COL23A1: variants seen among roughly 807,000 people sequenced by gnomAD.
COL23A1 encodes collagen alpha-1(XXIII) chain.
In COL23A1, 97 loss-of-function variants were observed where a neutral mutation model predicts 99.3. The ratio of observed to expected loss-of-function variants is 0.98; its 90% CI spans 0.83 to 1.16. The LOEUF (loss-of-function observed/expected upper bound fraction) is 1.16. Ranked by LOEUF, COL23A1 falls within the 50% of genes most tolerant of loss-of-function variation. The probability of loss-of-function intolerance (pLI) is 0.00; values close to 1 mark genes in which losing one functional copy is unlikely to be tolerated. For missense variants in COL23A1, 762 were observed against 757.4 expected, an observed-to-expected ratio of 1.01 and a Z score of -0.07; for synonymous variants, 320 against 308.2, an observed-to-expected ratio of 1.04 and a Z score of -0.40.
At position 178,367,032 on chromosome 5, in the gene COL23A1, A is replaced by G. The variant is rs554448583; in HGVS notation, c.362-60113T>C. ...TGAAACTGAATTTTACATGGCAGGG[A>G]TTTCAGACTCTTCTCTGGTTGGGTT... On this transcript the variant is annotated intron_variant, in intron 2 of 28. Transcript: ENST00000390654. Among the ~76,000 whole-genome samples, 54 of 152,288 alleles carry G rather than the reference A, an allele frequency of 3.5e-4. 1 individual carries two copies. Among genetic ancestry groups the G allele is most frequent in the African/African-American group, 1.3e-3 (53 of 41,552 alleles).
At chr5:178,367,202 TG>T (rs752721891) in intron 2 of COL23A1, among the ~76,000 whole-genome samples, 5 of 152,156 alleles carry the variant, frequency 3.3e-5, no homozygotes, top group Admixed American at 6.5e-5. Flanking sequence ...AAACCACCAA[TG>T]GCATCCGCTC....
Position 178,241,516 on chromosome 5 carries a change from A to T in COL23A1, c.1581+526T>A, listed in dbSNP as rs1037048339. ...TTCAGCTCAGCTTGGCCTCAGGCCCAGTGGGAGTCAGACCCCGACTTCCAC... is the reference window on the plus strand; with the variant it reads ...TTCAGCTCAGCTTGGCCTCAGGCCCTGTGGGAGTCAGACCCCGACTTCCAC... On this transcript the variant is annotated intron_variant, in intron 27 of 28. Transcript: ENST00000390654. 4.1e-4 allele frequency among the ~76,000 whole-genome samples: 62 copies of T among 152,298 alleles called. 1 individual carries two copies. Among genetic ancestry groups the T allele is most frequent in the African/African-American group, 1.5e-3 (61 of 41,578 alleles).
chr5:178,566,213 A>G (rs370922292), intron 1 of COL23A1, among the ~76,000 whole-genome samples: 1 of 152,114 alleles, frequency 6.6e-6, no homozygotes, highest in African/African-American at 2.4e-5. Flanking sequence ...AGTGTCTGCA[A>G]AAGGGTGGGA....
intron 2 of COL23A1, among the ~76,000 whole-genome samples, chr5:178,414,356 AGAGGGTCTGGGAGAGTGCCGTGGCT>A (rs1765193991): frequency 6.6e-6 from 1 of 152,112 alleles, no homozygotes; most frequent in Non-Finnish European, 1.5e-5. Flanking sequence ...ACCACCTGGC[AGAGGGTCTGGGAGAGTGCCGTGGCT>A]CTGGCATTAA....
chr5:178,283,129 A>G (rs1316494678), intron 5 of COL23A1, among the ~76,000 whole-genome samples: 1 of 152,014 alleles, frequency 6.6e-6, no homozygotes, highest in Non-Finnish European at 1.5e-5. Flanking sequence ...CAAGTGATCC[A>G]TCCGCCTTGG....
intron 2 of COL23A1, among the ~76,000 whole-genome samples, chr5:178,322,201 C>T (rs1759362502): frequency 6.6e-6 from 1 of 151,820 alleles, no homozygotes; most frequent in Non-Finnish European, 1.5e-5. Flanking sequence ...ACTGTGTTGG[C>T]CAGGCTGTTC....
At chr5:178,473,716 A>G (rs184457964) in intron 2 of COL23A1, among the ~76,000 whole-genome samples, 4 of 151,938 alleles carry the variant, frequency 2.6e-5, no homozygotes, top group Admixed American at 2.6e-4. Flanking sequence ...TCCAACATTC[A>G]CCTATGATCA....
chr5:178,577,228 CG>C (rs1763420462), intron 1 of COL23A1, among the ~76,000 whole-genome samples: 2 of 152,168 alleles, frequency 1.3e-5, no homozygotes, highest in African/African-American at 4.8e-5. Context: ...CGCGTCCTGG[CG>C]GGGCCTGCTT....
rs559444741 is a variant in COL23A1 at position 178,309,934 on chromosome 5, GA to G, written c.362-3016del. Among the ~76,000 whole-genome samples the G allele has an allele frequency of 1.2e-5, 1 of 84,784 alleles. No homozygotes were observed. The highest frequency in any genetic ancestry group is 3.2e-4 in the South Asian group (1 of 3,156). The allele number at this position is 84,784 out of a possible 152,430, so 55.6% of individuals were successfully genotyped here. A position where few individuals can be genotyped will look rare whatever the true frequency, so the allele number is the denominator to read the frequency against. On this transcript the variant is annotated intron_variant, in intron 2 of 28. Transcript: ENST00000390654. The surrounding 1 kb of genome is among the most constrained non-coding windows in gnomAD (Gnocchi z 4.7). ...ACCAAGTGATGTGTGTTCAGGGGAGGAAGGGCGGGGGGGAGAGGGAGGGAGG... is the reference window on the plus strand; with the variant it reads ...ACCAAGTGATGTGTGTTCAGGGGAGGAGGGCGGGGGGGAGAGGGAGGGAGG...
intron 2 of COL23A1, among the ~76,000 whole-genome samples, chr5:178,518,425 C>T (rs982539788): frequency 7.6e-4 from 114 of 150,120 alleles, no homozygotes; most frequent in Admixed American, 2.1e-3. Context: ...ACCTCCCAGA[C>T]GGGGTGGTGG....
At chr5:178,498,521 G>A (rs1319106156) in intron 2 of COL23A1, among the ~76,000 whole-genome samples, 2 of 151,562 alleles carry the variant, frequency 1.3e-5, no homozygotes, top group Non-Finnish European at 1.5e-5. Context: ...TAGAGTGTGT[G>A]TATTACAACT....
At chr5:178,425,179 T>C (rs530209068) in intron 2 of COL23A1, among the ~76,000 whole-genome samples, 19 of 152,170 alleles carry the variant, frequency 1.2e-4, no homozygotes, top group African/African-American at 4.1e-4. Context: ...TCCCAGCACT[T>C]TGGGAGGCTG....
At chr5:178,249,712 A>ACTCTCTCTCTCTCTCT (rs1425842167) in intron 18 of COL23A1, among the ~76,000 whole-genome samples, 27 of 90,640 alleles carry the variant, frequency 3.0e-4, no homozygotes, top group African/African-American at 8.5e-4. Flanking sequence ...ACACACACAC[A>ACTCTCTCTCTCTCTCT]CACACTCTCT....
At chr5:178,404,723 T>C (rs538588750) in intron 2 of COL23A1, among the ~76,000 whole-genome samples, 1 of 152,198 alleles carries the variant, frequency 6.6e-6, no homozygotes, top group East Asian at 1.9e-4. Context: ...CTCCGTCCCC[T>C]CAGAGATGCA....
At chr5:178,565,041 C>G (rs1762774137) in intron 1 of COL23A1, among the ~76,000 whole-genome samples, 1 of 152,194 alleles carries the variant, frequency 6.6e-6, no homozygotes, top group South Asian at 2.1e-4. Context: ...CTTGACGCAA[C>G]TGTCACATCA....
intron 2 of COL23A1, among the ~76,000 whole-genome samples, chr5:178,545,174 C>T (rs530704506): frequency 1.3e-5 from 2 of 152,158 alleles, no homozygotes; most frequent in East Asian, 1.9e-4. Context: ...TGTTCTAGTT[C>T]CTGATGGGGG....
At chr5:178,526,473 C>T (rs150741746) in intron 2 of COL23A1, among the ~76,000 whole-genome samples, 3 of 152,182 alleles carry the variant, frequency 2.0e-5, no homozygotes, top group Admixed American at 6.5e-5. Context: ...GAGGCCAACA[C>T]ACAGGACTGC....
chr5:178,322,996 G>C (rs544104135), intron 2 of COL23A1, among the ~76,000 whole-genome samples: 17 of 152,314 alleles, frequency 1.1e-4, no homozygotes, highest in African/African-American at 4.1e-4. Flanking sequence ...GGCCCTTCCT[G>C]GTGTCTGGAA....
chr5:178,246,728 C>G (rs138666584), intron 22 of COL23A1, among the ~76,000 whole-genome samples: 94 of 146,992 alleles, frequency 6.4e-4, no homozygotes, highest in African/African-American at 1.6e-3. Context: ...AGACGGGGGG[C>G]GGGGGGGGGG....
Sources: allele counts gnomAD v4.1 joint callset (sites outside exome capture counted in the v4.1 genomes callset), GRCh38; gene constraint gnomAD v4.1.1; non-coding constraint Gnocchi (gnomAD v3.1); transcripts MANE v1.5; gene names NCBI Gene and HGNC (gene_info 2026-07-23, HGNC 2026-07-21).